DLGAP2: variants seen among roughly 807,000 people sequenced by gnomAD.
DLGAP2 encodes disks large-associated protein 2.
Under a neutral mutation model 100.3 loss-of-function variants are expected in DLGAP2, and 26 were observed. That is an observed-to-expected ratio of 0.26 (90% confidence interval 0.19 to 0.36). DLGAP2 has a LOEUF of 0.36. DLGAP2 is among the 10% of genes least tolerant of loss of function. DLGAP2 has a pLI of 1.00. For synonymous variants in DLGAP2, 886 were observed against 630.1 expected (o/e 1.41, Z -6.08); for missense variants, 1,858 against 1,453.2 (o/e 1.28, Z -4.53).
At chr8:778,653 A>AGG (rs1359865209) in intron 1 of DLGAP2, among the ~76,000 whole-genome samples, 2 of 152,054 alleles carry the variant, frequency 1.3e-5, no homozygotes, top group African/African-American at 4.8e-5. Flanking sequence ...TAGGCTGCTC[A>AGG]GGGGTCAGGG....
chr8:1,596,142 G>A (rs983565562), intron 6 of DLGAP2, among the ~76,000 whole-genome samples: 1 of 151,442 alleles, frequency 6.6e-6, no homozygotes, highest in Admixed American at 6.6e-5. Context: ...CTGTTCCTGT[G>A]TTAGTTTGCT....
intron 2 of DLGAP2, among the ~76,000 whole-genome samples, chr8:908,391 G>A (rs1426166668): frequency 6.6e-6 from 1 of 152,168 alleles, no homozygotes; most frequent in Non-Finnish European, 1.5e-5. Flanking sequence ...ATCAGGGTGG[G>A]AATCGGCTAG....
intron 2 of DLGAP2, among the ~76,000 whole-genome samples, chr8:1,029,318 T>G (rs1427418769): frequency 1.3e-5 from 2 of 152,182 alleles, no homozygotes; most frequent in African/African-American, 4.8e-5. Flanking sequence ...GAGTACAACC[T>G]GGGACAAATT....
intron 3 of DLGAP2, among the ~76,000 whole-genome samples, chr8:1,331,330 C>T (rs1044551909): frequency 1.3e-5 from 2 of 152,132 alleles, no homozygotes; most frequent in South Asian, 2.1e-4. Context: ...TGCACAGTGT[C>T]CTCACACACC....
chr8:1,670,436 G>A (rs1798661889), intron 10 of DLGAP2, among the ~76,000 whole-genome samples: 1 of 152,106 alleles, frequency 6.6e-6, no homozygotes, highest in Non-Finnish European at 1.5e-5. Context: ...CCCCTGCAAA[G>A]CTCAGCCTGT....
At chr8:1,160,574 C>T (rs899088241) in intron 2 of DLGAP2, among the ~76,000 whole-genome samples, 1 of 152,150 alleles carries the variant, frequency 6.6e-6, no homozygotes, top group Admixed American at 6.5e-5. Context: ...ATTATTTTGC[C>T]AGTTTGGGGA....
chr8:1,417,034 C>T (rs971376961), intron 3 of DLGAP2, among the ~76,000 whole-genome samples: 3 of 78,092 alleles, frequency 3.8e-5, no homozygotes, highest in Non-Finnish European at 7.4e-5. Context: ...CAGCCGTCAG[C>T]GGTCCCGCCC....
intron 8 of DLGAP2, among the ~76,000 whole-genome samples, chr8:1,659,536 T>G (rs1798362725): frequency 6.6e-6 from 1 of 152,168 alleles, no homozygotes; most frequent in African/African-American, 2.4e-5. Context: ...CTGTATTGGG[T>G]GTGTATATAT....
chr8:920,659 A>G (rs1235632010), intron 2 of DLGAP2, among the ~76,000 whole-genome samples: 1 of 152,090 alleles, frequency 6.6e-6, no homozygotes, highest in Non-Finnish European at 1.5e-5. Flanking sequence ...GCTGAGGTAC[A>G]AGGAGTGCTT....
rs550619427 is a variant in DLGAP2 at position 1,031,348 on chromosome 8, T to C, written c.73+123382T>C. 8.8e-4 allele frequency among the ~76,000 whole-genome samples: 134 copies of C among 152,298 alleles called. 1 individual carries two copies. Among genetic ancestry groups the C allele is most frequent in the African/African-American group, 3.1e-3 (129 of 41,582 alleles). On this transcript the variant is annotated intron_variant, in intron 2 of 14. Coordinates refer to ENST00000637795, the MANE Select transcript of DLGAP2 (RefSeq NM_001346810.2). ...GTGCTAGAAGCATGTTAGTTACAGT[T>C]GGGAAGCCCTGAGGACTGACATCGA...
intron 3 of DLGAP2, among the ~76,000 whole-genome samples, 151 bp downstream of exon 3, chr8:1,259,034 A>G (rs747236553): frequency 1.3e-5 from 2 of 152,216 alleles, no homozygotes; most frequent in Admixed American, 1.3e-4. Flanking sequence ...TGAGTAAAAT[A>G]ATTGAAGCAA....
At chr8:1,371,114 T>C (rs766853117) in intron 3 of DLGAP2, among the ~76,000 whole-genome samples, 1 of 152,222 alleles carries the variant, frequency 6.6e-6, no homozygotes, top group Non-Finnish European at 1.5e-5. Context: ...TGCATGTTTC[T>C]TGCCTCCCAG....
chr8:1,194,208 G>T (rs1304743658), intron 2 of DLGAP2, among the ~76,000 whole-genome samples: 1 of 152,110 alleles, frequency 6.6e-6, no homozygotes, highest in Non-Finnish European at 1.5e-5. Context: ...GCCACGCCTT[G>T]TTCTCAGCCC....
rs568606669 is a variant in DLGAP2, at chr8:800,578, C to T, written c.18+62753C>T. Reference sequence around the variant, plus strand: ...GATGAGATGCCTGCATTGACATCTACAGTGGAGAACCTTGTGCACCTGCAT... The same window carrying T: ...GATGAGATGCCTGCATTGACATCTATAGTGGAGAACCTTGTGCACCTGCAT... On this transcript the variant is annotated intron_variant, in intron 1 of 14. Coordinates refer to ENST00000637795, the MANE Select transcript of DLGAP2 (RefSeq NM_001346810.2). Among the ~76,000 whole-genome samples the T allele has an allele frequency of 3.9e-5, 6 of 152,296 alleles. No homozygotes were observed. In the South Asian group the frequency reaches 1.2e-3, roughly 32 times the overall value.
At chr8:999,036 C>G (rs1800866490) in intron 2 of DLGAP2, among the ~76,000 whole-genome samples, 1 of 152,112 alleles carries the variant, frequency 6.6e-6, no homozygotes, top group Non-Finnish European at 1.5e-5. Context: ...TGAACCATAC[C>G]AGGTTAGCTT....
intron 12 of DLGAP2, among the ~76,000 whole-genome samples, chr8:1,686,577 G>C (rs1040039975): frequency 1.3e-5 from 2 of 152,082 alleles, no homozygotes; most frequent in African/African-American, 4.8e-5. Flanking sequence ...AGGAGGCTGA[G>C]ACAGGAGAAT....
At chr8:1,699,333 C>T (rs1799503709) in intron 14 of DLGAP2, among the ~76,000 whole-genome samples, 1 of 151,606 alleles carries the variant, frequency 6.6e-6, no homozygotes, top group Non-Finnish European at 1.5e-5. Context: ...TAGCCGGGCA[C>T]AGTGGATCAC....
chr8:744,688 C>T (rs1260803649), intron 1 of DLGAP2, among the ~76,000 whole-genome samples: 4 of 152,016 alleles, frequency 2.6e-5, no homozygotes, highest in South Asian at 4.2e-4. Flanking sequence ...CCGGCCACGT[C>T]GCCCTCCCGG....
chr8:1,422,180 G>A (rs1421843184), intron 3 of DLGAP2, among the ~76,000 whole-genome samples: 2 of 152,150 alleles, frequency 1.3e-5, no homozygotes, highest in Non-Finnish European at 2.9e-5. Flanking sequence ...GTTTCCTAAT[G>A]TCTTATGGCC....
Sources: allele counts gnomAD v4.1 joint callset (sites outside exome capture counted in the v4.1 genomes callset), GRCh38; gene constraint gnomAD v4.1.1; transcripts MANE v1.5; gene names NCBI Gene and HGNC (gene_info 2026-07-23, HGNC 2026-07-21).